Variants in B4GALT6 observed in about 807,000 individuals in gnomAD.
B4GALT6 encodes the protein UDP-Gal:beta-GlcNAc beta-1,4-galactosyltransferase 6.
Under a neutral mutation model 46.3 loss-of-function variants are expected in B4GALT6, and 14 were observed. The ratio of observed to expected loss-of-function variants is 0.30; its 90% CI spans 0.20 to 0.47. The LOEUF (loss-of-function observed/expected upper bound fraction) is 0.47, where lower values mean the gene tolerates loss of function less well. Ranked by LOEUF, B4GALT6 falls within the 20% of genes least tolerant of loss-of-function variation. The pLI is 0.99. For synonymous variants in B4GALT6, 168 were observed against 162.0 expected (o/e 1.04, Z -0.28); for missense variants, 386 against 480.1 (o/e 0.80, Z 1.83).
chr18:31,686,914 C>T (rs1299549228), upstream of B4GALT6: 1 of 152,192 alleles, frequency 6.6e-6, no homozygotes, highest in East Asian at 1.9e-4. Flanking sequence ...AGTGGTAGAC[C>T]ATTCTTCTCA....
In B4GALT6 at chr18:31,625,713, CA is replaced by C; in HGVS notation, c.1049del (p.Leu350ArgfsTer4). ...YSKERQYIDG[L>X]NNLIYRPKIL... ...TTTTTGGCCTATATATTAAATTGTT[CA>C]GTCCATCGATGTACTGACGCTCCTT... On this transcript the variant is annotated frameshift_variant, in exon 9 of 9. Coordinates refer to ENST00000306851, the MANE Select transcript of B4GALT6 (RefSeq NM_004775.5). LOFTEE classifies it high-confidence loss of function. The C allele has an allele frequency of 6.2e-7, 1 of 1,613,290 alleles. No individual in the cohort carries two copies.
At chr18:31,671,250 G>A (rs2074353673) in intron 1 of B4GALT6, among the ~76,000 whole-genome samples, 1 of 152,028 alleles carries the variant, frequency 6.6e-6, no homozygotes, top group South Asian at 2.1e-4. Flanking sequence ...ATAATCCTTT[G>A]GGTATATGCC....
At position 31,658,042 on chromosome 18, in the gene B4GALT6, T is replaced by C. The variant is rs983757056; in HGVS notation, c.280A>G (p.Thr94Ala). 2.2e-5 allele frequency: 35 copies of C among 1,613,334 alleles called. No individual in the cohort carries two copies. Among genetic ancestry groups the C allele is most frequent in the Admixed American group, 5.0e-5 (3 of 59,948 alleles). Reference sequence around the variant, plus strand: ...TATGTGAAGTTTTCCGGGAGATACGTTGTTGTTTGAACAAGATAATCACTT... The same window carrying C: ...TATGTGAAGTTTTCCGGGAGATACGCTGTTGTTTGAACAAGATAATCACTT... The part of the protein sequence containing the change: ...NSSDYLVQTT[T>A]YLPENFTYSP... The change falls in exon 3 of 9, where the codon ACG becomes GCG. Residue 94 changes from threonine (T) to alanine (A), a missense_variant. By Grantham distance (58) the Thr-to-Ala change is moderately conservative (BLOSUM62 0). Transcript: ENST00000306851.
At chr18:31,641,504 G>C (rs942258605) in intron 4 of B4GALT6, among the ~76,000 whole-genome samples, 1 of 152,180 alleles carries the variant, frequency 6.6e-6, no homozygotes, top group Non-Finnish European at 1.5e-5. Flanking sequence ...GTTTGTGGAA[G>C]AATGTCCTCC....
chr18:31,684,244 A>G, intron 1 of B4GALT6, 68 bp downstream of exon 1: 1 of 1,600,024 alleles, frequency 6.2e-7, no homozygotes, highest in Admixed American at 1.7e-5. Flanking sequence ...CCCAGAAGTA[A>G]CATCGGATAA....
At chr18:31,668,863 T>C (rs1235665747) in intron 1 of B4GALT6, among the ~76,000 whole-genome samples, 1 of 136,324 alleles carries the variant, frequency 7.3e-6, no homozygotes. Flanking sequence ...AAAAAAAAAC[T>C]AGCCAGGCGT....
At chr18:31,723,950 A>C in the B4GALT6 span, among the ~76,000 whole-genome samples, 4 of 150,210 alleles carry the variant, frequency 2.7e-5, no homozygotes, top group African/African-American at 9.9e-5. Flanking sequence ...CGCACCTCCA[A>C]CCCACCCCAC....
At chr18:31,627,311 T>C (rs1216296814) in intron 6 of B4GALT6, among the ~76,000 whole-genome samples, 190 bp from the exon 7 acceptor site, 1 of 151,984 alleles carries the variant, frequency 6.6e-6, no homozygotes, top group Admixed American at 6.6e-5. Flanking sequence ...TACATGTACA[T>C]GTGTTATGTT....
Position 31,626,327 on chromosome 18 carries a change from C to G in B4GALT6, c.957G>C (p.Lys319Asn), listed in dbSNP as rs1412287066. The change falls in exon 8 of 9, where the codon AAG (lysine) becomes AAC (asparagine). Residue 319 changes from lysine (K) to asparagine (N), a missense_variant. Around this residue, in one of 2 missense-constraint regions of B4GALT6, gnomAD observed 323 missense variants for 438.9 expected, o/e 0.74. Transcript: ENST00000306851. ...CACCTCTATGGTGATGAGGAATTGA[C>G]TTGTATTTTCCTAAGTCTCCCTCTG... ...TRPEGDLGKY[K>N]SIPHHHRGEV... is the part of the protein sequence containing the mutation. The G allele has an allele frequency of 1.2e-6, 2 of 1,608,704 alleles. No homozygotes were observed. The highest frequency in any genetic ancestry group is 1.3e-5 in the African/African-American group (1 of 74,770).
chr18:31,656,293 C>T (rs4799589), intron 3 of B4GALT6, among the ~76,000 whole-genome samples: 63,613 of 151,876 alleles, frequency 0.42, 15,480 homozygotes, highest in South Asian at 0.65. Flanking sequence ...ATACAAAATA[C>T]ATCAGAATAT....
At chr18:31,664,571 TG>T (rs2074262084) in intron 2 of B4GALT6, among the ~76,000 whole-genome samples, 1 of 151,774 alleles carries the variant, frequency 6.6e-6, no homozygotes, top group African/African-American at 2.4e-5. Context: ...GGGGAAAGAT[TG>T]TCTTGCCCAT....
intron 5 of B4GALT6, among the ~76,000 whole-genome samples, chr18:31,631,928 A>C (rs2073796459): frequency 1.3e-5 from 2 of 152,216 alleles, no homozygotes; most frequent in Non-Finnish European, 2.9e-5. Context: ...GATAAAGATT[A>C]AGGGCATTTT....
chr18:31,685,018 GCGCGGGGGCC>G (rs991310106), upstream of B4GALT6, among the ~76,000 whole-genome samples: 9 of 146,312 alleles, frequency 6.2e-5, no homozygotes, highest in Non-Finnish European at 1.1e-4. Flanking sequence ...CGCGCGCCAC[GCGCGGGGGCC>G]CGCGGGGGCC....
intron 1 of B4GALT6, among the ~76,000 whole-genome samples, chr18:31,668,244 T>C (rs917190423): frequency 1.3e-5 from 2 of 152,054 alleles, no homozygotes; most frequent in Non-Finnish European, 2.9e-5. Flanking sequence ...CACTTGTAAG[T>C]GGGAGCTAGA....
chr18:31,670,256 T>C (rs2074334699), intron 1 of B4GALT6, among the ~76,000 whole-genome samples: 1 of 152,092 alleles, frequency 6.6e-6, no homozygotes, highest in African/African-American at 2.4e-5. Flanking sequence ...GGTTTCTCCA[T>C]GTTGCCCAGG....
chr18:31,631,027 G>A lies in B4GALT6; in HGVS notation c.708C>T (p.Asp236=), dbSNP rs764566089. ...FHDVDHLPEN[D]RNYYGCGEMP... is the part of the protein sequence containing the mutation. ...TTTCTCCACATCCGTAATAGTTCCG[G>A]TCATTTTCAGGTAGATGATCCACAT... Residue 236 remains aspartate, a synonymous_variant, in exon 6 of 9, where the codon GAC becomes GAT. Transcript: ENST00000306851. 18 of 1,614,116 alleles carry A rather than the reference G, an allele frequency of 1.1e-5. No homozygotes were observed. The Admixed American group carries it at 2.8e-4, about 25-fold the overall frequency.
chr18:31,693,160 C>G, the B4GALT6 span, among the ~76,000 whole-genome samples: 1 of 152,192 alleles, frequency 6.6e-6, no homozygotes, highest in Non-Finnish European at 1.5e-5. Flanking sequence ...CTTTGGAAGT[C>G]AATGCATATA....
At chr18:31,684,281 A>C (rs1396385093) in intron 1 of B4GALT6, 31 bp downstream of exon 1, 7 of 1,612,106 alleles carry the variant, frequency 4.3e-6, no homozygotes, top group Admixed American at 1.7e-5. Flanking sequence ...TGGTGTGACC[A>C]GGGGAAGCGA....
chr18:31,625,786 A>G, intron 8 of B4GALT6, 25 bp from the exon 9 acceptor site: 1 of 1,551,238 alleles, frequency 6.4e-7, no homozygotes, highest in East Asian at 2.3e-5. Context: ...GAAAAAACAA[A>G]AAAGCAACAA....
Sources: gnomAD v4.1 joint callset for allele counts (sites outside exome capture counted in the v4.1 genomes callset) on GRCh38, gnomAD v4.1.1 for gene constraint, gnomAD v4.1.1 regional missense constraint, MANE v1.5 for transcripts, NCBI Gene and HGNC (gene_info 2026-07-23, HGNC 2026-07-21) for gene names.